DTWD1: variants seen among roughly 807,000 people sequenced by gnomAD.
DTWD1 encodes DTW motif tRNA-uridine aminocarboxypropyltransferase 1.
Under a neutral mutation model 30.2 loss-of-function variants are expected in DTWD1, and 27 were observed. The ratio of observed to expected loss-of-function variants is 0.90; its 90% CI spans 0.66 to 1.23. The LOEUF is 1.23. Ranked by LOEUF, DTWD1 falls within the 50% of genes most tolerant of loss-of-function variation. DTWD1 has a pLI of 0.00. For synonymous variants in DTWD1, 99 were observed against 113.1 expected, an observed-to-expected ratio of 0.88 and a Z score of 0.79; for missense variants, 342 against 348.8, an observed-to-expected ratio of 0.98 and a Z score of 0.15.
rs1200020435 is a variant in DTWD1 at position 49,633,043 on chromosome 15, CTATATCTATA to C, written c.408+747_408+756del. ...TAAATTTTTACTTTCCTATTTATAT[CTATATCTATA>C]TATATATATATATATATGTATTTTT... On this transcript the variant is annotated intron_variant, in intron 3 of 4. Coordinates refer to ENST00000403028, the MANE Select transcript of DTWD1 (RefSeq NM_001144955.2). 1.6e-3 allele frequency among the ~76,000 whole-genome samples: 211 copies of C among 129,524 alleles called. 1 individual carries two copies. The highest frequency in any genetic ancestry group is 2.1e-3 in the Non-Finnish European group (125 of 60,832). The allele number at this position is 129,524 out of a possible 152,430, so 85.0% of individuals were successfully genotyped here.
chr15:49,637,973 C>G (rs1361456001), intron 4 of DTWD1, among the ~76,000 whole-genome samples: 1 of 152,142 alleles, frequency 6.6e-6, no homozygotes, highest in African/African-American at 2.4e-5. Context: ...GCAGGTACTA[C>G]GGAGCATAAG....
intron 4 of DTWD1, among the ~76,000 whole-genome samples, chr15:49,636,261 ATTTACACTGGTTG>A (rs1189761253): frequency 6.6e-6 from 1 of 151,774 alleles, no homozygotes; most frequent in African/African-American, 2.4e-5. Context: ...GTTGATGGAC[ATTTACACTGGTTG>A]TTTCCCATTT....
rs1362648121 is a variant in DTWD1, at chr15:49,650,980, A to G, written c.*7402A>G. 6.6e-6 allele frequency: 1 copy of G among 152,188 alleles called. No individual in the cohort carries two copies. The highest frequency in any genetic ancestry group is 1.5e-5 in the Non-Finnish European group (1 of 68,028). The allele number at this position is 152,188 out of a possible 1,614,324, so 9.4% of individuals were successfully genotyped here. ...ACATGGAACAAAAGCCCATGGCTCAAGGTGGTAACTTTTATTAGTGGTAAA... is the reference window on the plus strand; with the variant it reads ...ACATGGAACAAAAGCCCATGGCTCAGGGTGGTAACTTTTATTAGTGGTAAA... On this transcript the variant is annotated 3_prime_UTR_variant, in exon 5 of 5. Transcript: ENST00000403028.
Position 49,646,044 on chromosome 15 carries a change from T to A in DTWD1, c.*2466T>A, listed in dbSNP as rs1172812480. The stretch of plus-strand genomic sequence containing the variant: ...GTGCATTTTTACTTACACTTGTGCT[T>A]CTGCTGTTGACATAAGAATATGCAT... On this transcript the variant is annotated 3_prime_UTR_variant, in exon 5 of 5. Transcript: ENST00000403028. The A allele has an allele frequency of 6.6e-6, 1 of 152,214 alleles. No individual in the cohort carries two copies. The highest frequency in any genetic ancestry group is 1.9e-4 in the East Asian group (1 of 5,182). The allele number at this position is 152,214 out of a possible 1,614,324, so 9.4% of individuals were successfully genotyped here. A position where few individuals can be genotyped will look rare whatever the true frequency, so the allele number is the denominator to read the frequency against.
chr15:49,642,075 A>G (rs565312472), intron 4 of DTWD1, among the ~76,000 whole-genome samples: 1 of 151,778 alleles, frequency 6.6e-6, no homozygotes. Context: ...TAGTCATTTG[A>G]TCCTCCATAT....
intron 2 of DTWD1, 134 bp from the exon 3 acceptor site, chr15:49,632,025 G>T (rs1409977733): frequency 1.2e-6 from 1 of 863,232 alleles, no homozygotes; most frequent in Non-Finnish European, 1.8e-6. Context: ...TAATATTATG[G>T]TATATCTTTT....
chr15:49,625,873 C>A (rs2078836843), intron 2 of DTWD1, among the ~76,000 whole-genome samples: 1 of 151,424 alleles, frequency 6.6e-6, no homozygotes, highest in Non-Finnish European at 1.5e-5. Flanking sequence ...TGTCAGGGCA[C>A]AACAAGAGTG....
rs749624254 is a variant in DTWD1, at chr15:49,653,922, G to A, written c.*10344G>A. 1 of 152,116 alleles carries A rather than the reference G, an allele frequency of 6.6e-6. No individual in the cohort carries two copies. Among genetic ancestry groups the A allele is most frequent in the Admixed American group, 6.6e-5 (1 of 15,256 alleles). The allele number at this position is 152,116 out of a possible 1,614,324, so 9.4% of individuals were successfully genotyped here. ...AGATGGAGCCAAAATCCCAGAGGGA[G>A]GAGCCAAGAAGCAAGGAGAGCAATG... On this transcript the variant is annotated 3_prime_UTR_variant, in exon 5 of 5. Transcript: ENST00000403028.
At position 49,653,067 on chromosome 15, in the gene DTWD1, T is replaced by C. The variant is rs2079161630; in HGVS notation, c.*9489T>C. 1 of 152,168 alleles carries C rather than the reference T, an allele frequency of 6.6e-6. No homozygotes were observed. Among genetic ancestry groups the C allele is most frequent in the South Asian group, 2.1e-4 (1 of 4,828 alleles). The allele number at this position is 152,168 out of a possible 1,614,324, so 9.4% of individuals were successfully genotyped here. On this transcript the variant is annotated 3_prime_UTR_variant, in exon 5 of 5. Coordinates refer to ENST00000403028, the MANE Select transcript of DTWD1 (RefSeq NM_001144955.2). ...TCAGCATATGACATTTTGGAGTAGT[T>C]TGTTATTCAGCAATAGATAACAGAA... is the stretch of plus-strand genomic sequence containing the variant.
intron 4 of DTWD1, among the ~76,000 whole-genome samples, chr15:49,641,481 C>T (rs1181794419): frequency 6.6e-6 from 1 of 151,950 alleles, no homozygotes; most frequent in Non-Finnish European, 1.5e-5. Context: ...CGTTTATTGT[C>T]AGTCTACAAA....
intron 2 of DTWD1, among the ~76,000 whole-genome samples, chr15:49,627,287 T>C (rs371660045): frequency 1.3e-5 from 2 of 152,208 alleles, no homozygotes; most frequent in East Asian, 3.8e-4. Flanking sequence ...TACTTTAATA[T>C]ACATTAATGG....
At chr15:49,637,450 A>G (rs1192780145) in intron 4 of DTWD1, among the ~76,000 whole-genome samples, 1 of 152,230 alleles carries the variant, frequency 6.6e-6, no homozygotes. Flanking sequence ...AAATGGTATT[A>G]GAAACTAAGA....
At position 49,625,103 on chromosome 15, in the gene DTWD1, T is replaced by G; in HGVS notation, c.-55-10T>G. On this transcript the variant is annotated splice_polypyrimidine_tract_variant and intron_variant, in intron 1 of 4. Transcript: ENST00000403028. Reference sequence around the variant, plus strand: ...TTATTTTTCCTTCTCTTGATACTTTTTTTTTACAGTGCACCTATGATATGT... The same window carrying G: ...TTATTTTTCCTTCTCTTGATACTTTGTTTTTACAGTGCACCTATGATATGT... 6.9e-7 allele frequency: 1 copy of G among 1,457,832 alleles called. No individual in the cohort carries two copies. The highest frequency in any genetic ancestry group is 9.3e-7 in the Non-Finnish European group (1 of 1,073,732). 90.3% of individuals were successfully genotyped at this position (1,457,832 alleles called of 1,614,324 possible).
In DTWD1 at chr15:49,645,726, T is replaced by A. The variant is rs1232763626; in HGVS notation, c.*2148T>A. 6.6e-6 allele frequency: 1 copy of A among 152,004 alleles called. No homozygotes were observed. Among genetic ancestry groups the A allele is most frequent in the East Asian group, 1.9e-4 (1 of 5,178 alleles). 9.4% of individuals were successfully genotyped at this position (152,004 alleles called of 1,614,324 possible). A position where few individuals can be genotyped will look rare whatever the true frequency, so the allele number is the denominator to read the frequency against. On this transcript the variant is annotated 3_prime_UTR_variant, in exon 5 of 5. Transcript: ENST00000403028. The stretch of plus-strand genomic sequence containing the variant: ...TCTATCACTCATTTGCCTCCATCTC[T>A]CAGCTGGCATAAGAAAGATGACCCA...
rs1005375626 is a variant in DTWD1 at position 49,649,184 on chromosome 15, G to A, written c.*5606G>A. On this transcript the variant is annotated 3_prime_UTR_variant, in exon 5 of 5. Transcript: ENST00000403028. ...AGGTCGTATATCGACCAATAATCAGGATATTAAAGGACTTCTTAACAACAT... is the reference window on the plus strand; with the variant it reads ...AGGTCGTATATCGACCAATAATCAGAATATTAAAGGACTTCTTAACAACAT... The A allele has an allele frequency of 3.9e-5, 6 of 152,160 alleles. No homozygotes were observed. In the East Asian group the frequency reaches 1.2e-3, roughly 29 times the overall value. The allele number at this position is 152,160 out of a possible 1,614,324, so 9.4% of individuals were successfully genotyped here.
At chr15:49,643,253 T>A in intron 4 of DTWD1, 78 bp from the exon 5 acceptor site, 1 of 1,386,850 alleles carries the variant, frequency 7.2e-7, no homozygotes, top group Non-Finnish European at 9.5e-7. Context: ...TCATTATTAT[T>A]GTACCAAGCC....
At chr15:49,626,968 T>C (rs1048757414) in intron 2 of DTWD1, 2 of 239,470 alleles carry the variant, frequency 8.4e-6, no homozygotes, top group African/African-American at 4.4e-5. Flanking sequence ...GAAGTATACG[T>C]AGAATTATTC....
intron 4 of DTWD1, among the ~76,000 whole-genome samples, chr15:49,635,288 G>C (rs2078986442): frequency 6.6e-6 from 1 of 152,030 alleles, no homozygotes; most frequent in African/African-American, 2.4e-5. Flanking sequence ...TCCTGCCTTG[G>C]CCTCCCAAAG....
chr15:49,644,029 G>T lies in DTWD1; in HGVS notation c.*451G>T, dbSNP rs976872988. On this transcript the variant is annotated 3_prime_UTR_variant, in exon 5 of 5. Transcript: ENST00000403028. ...TTAGTAGCAAACATAGGCAGAACTA[G>T]AATTAGAATTCTGGTATCTAGGGCT... is the stretch of plus-strand genomic sequence containing the variant. 6.6e-6 allele frequency: 1 copy of T among 152,578 alleles called. No individual in the cohort carries two copies. Among genetic ancestry groups the T allele is most frequent in the Non-Finnish European group, 1.5e-5 (1 of 68,386 alleles). The allele number at this position is 152,578 out of a possible 1,614,324, so 9.5% of individuals were successfully genotyped here. A position where few individuals can be genotyped will look rare whatever the true frequency, so the allele number is the denominator to read the frequency against.
Sources: allele counts gnomAD v4.1 joint callset (sites outside exome capture counted in the v4.1 genomes callset), GRCh38; gene constraint gnomAD v4.1.1; transcripts MANE v1.5; gene names NCBI Gene and HGNC (gene_info 2026-07-23, HGNC 2026-07-21).